Variants in SORBS2 observed in about 807,000 individuals in gnomAD.
SORBS2 encodes sorbin and SH3 domain-containing protein 2.
Under a neutral mutation model 97.7 loss-of-function variants are expected in SORBS2, and 46 were observed. The ratio of observed to expected loss-of-function variants is 0.47; its 90% confidence interval spans 0.37 to 0.60. The LOEUF is 0.60. Among genes scored for constraint, SORBS2 ranks in the 20% least tolerant of loss-of-function variants. SORBS2 has a pLI of 0.00. For missense variants in SORBS2, 1,316 were observed against 1,282.3 expected (o/e 1.03, Z -0.40); for synonymous variants, 476 against 473.4 (o/e 1.01, Z -0.07).
chr4:185,799,499 G>A (rs373681758), intron 1 of SORBS2, among the ~76,000 whole-genome samples: 4 of 152,180 alleles, frequency 2.6e-5, no homozygotes, highest in South Asian at 2.1e-4. Context: ...TTAGAGTCCC[G>A]CTGAGGTCGC....
chr4:185,777,287 T>G (rs1459725306), intron 1 of SORBS2, among the ~76,000 whole-genome samples: 3 of 152,230 alleles, frequency 2.0e-5, no homozygotes, highest in Non-Finnish European at 4.4e-5. Context: ...TTTAAATGGT[T>G]ACATTTTACT....
intron 1 of SORBS2, among the ~76,000 whole-genome samples, chr4:185,798,938 T>C (rs2153655778): frequency 6.7e-6 from 1 of 149,270 alleles, no homozygotes; most frequent in Non-Finnish European, 1.5e-5. Context: ...CCCAGAAGCC[T>C]GTCTTCTTTT....
intron 2 of SORBS2, among the ~76,000 whole-genome samples, chr4:185,718,564 T>C (rs1244082837): frequency 6.6e-6 from 1 of 152,194 alleles, no homozygotes; most frequent in Non-Finnish European, 1.5e-5. Context: ...TCATTCTCCA[T>C]GATAGGTGCA....
rs1004603612 is a variant in SORBS2, at chr4:185,654,131, G to A, written c.25-1403C>T. ...TTAACATGAAGGGCCACTTGACTTC[G>A]TTATGAGTCAGCTCTTCATTCTCGG... On this transcript the variant is annotated intron_variant, in intron 1 of 14. Coordinates refer to ENST00000418609, the Ensembl canonical transcript of SORBS2. 2.6e-5 allele frequency among the ~76,000 whole-genome samples: 4 copies of A among 152,104 alleles called. No homozygotes were observed. In the South Asian group the frequency reaches 6.2e-4, roughly 24 times the overall value.
intron 1 of SORBS2, among the ~76,000 whole-genome samples, chr4:185,827,031 C>A (rs1296370287): frequency 6.6e-6 from 1 of 151,232 alleles, no homozygotes; most frequent in Non-Finnish European, 1.5e-5. Context: ...TCATCACCAT[C>A]ACCACCATCA....
At chr4:185,600,378 G>A (rs566472675) in intron 12 of SORBS2, among the ~76,000 whole-genome samples, 57 of 152,142 alleles carry the variant, frequency 3.7e-4, no homozygotes, top group African/African-American at 1.3e-3. Context: ...TGGCTCTGTC[G>A]CCCAGGCTGG....
chr4:185,708,848 A>G (rs984082318), intron 2 of SORBS2, among the ~76,000 whole-genome samples: 4 of 152,328 alleles, frequency 2.6e-5, no homozygotes, highest in African/African-American at 9.6e-5. Context: ...TTTTCTAGAG[A>G]GTTTCATGTT....
At chr4:185,833,100 T>A (rs921805137) in intron 1 of SORBS2, among the ~76,000 whole-genome samples, 1 of 152,210 alleles carries the variant, frequency 6.6e-6, no homozygotes, top group African/African-American at 2.4e-5. Flanking sequence ...TCATATGTGG[T>A]CTTAAAATGG....
At chr4:185,681,471 T>G (rs2097865588) in intron 2 of SORBS2, among the ~76,000 whole-genome samples, 3 of 151,868 alleles carry the variant, frequency 2.0e-5, no homozygotes, top group Admixed American at 2.0e-4. Context: ...TCCCCAGATC[T>G]GCAGCATTAT....
intron 2 of SORBS2, among the ~76,000 whole-genome samples, chr4:185,756,198 C>T (rs756109214): frequency 4.6e-5 from 7 of 152,196 alleles, no homozygotes; most frequent in Non-Finnish European, 8.8e-5. Flanking sequence ...CTTCTCTATG[C>T]AGTTCATAAC....
intron 1 of SORBS2, among the ~76,000 whole-genome samples, chr4:185,803,962 A>C (rs145510890): frequency 1.3e-5 from 2 of 152,346 alleles, no homozygotes; most frequent in East Asian, 3.9e-4. Context: ...CATAACTCAT[A>C]TGTAGTTAAG....
intron 1 of SORBS2, chr4:185,811,050 A>C (rs1029199200): frequency 6.6e-6 from 1 of 152,142 alleles, no homozygotes; most frequent in African/African-American, 2.4e-5. Context: ...GCATGCAGAT[A>C]CTCGGAAAGG....
chr4:185,602,084 C>T (rs1201933583), intron 12 of SORBS2, among the ~76,000 whole-genome samples: 6 of 152,224 alleles, frequency 3.9e-5, no homozygotes, highest in Admixed American at 3.3e-4. Flanking sequence ...GGTCTCGGCT[C>T]ACTGCAACCT....
intron 1 of SORBS2, chr4:185,918,307 G>C (rs186862709): frequency 5.9e-5 from 9 of 151,894 alleles, no homozygotes; most frequent in South Asian, 4.1e-4. Context: ...TTTTTTGTTC[G>C]TACGTTTTCA....
intron 2 of SORBS2, chr4:185,771,997 G>A (rs2098974177): frequency 6.6e-6 from 1 of 152,094 alleles, no homozygotes; most frequent in African/African-American, 2.4e-5. Context: ...AATGCTTGGT[G>A]TCTCTAATGA....
At chr4:185,843,523 A>G (rs2153678232) in intron 1 of SORBS2, among the ~76,000 whole-genome samples, 1 of 152,358 alleles carries the variant, frequency 6.6e-6, no homozygotes, top group Non-Finnish European at 1.5e-5. Context: ...GTAAATATAG[A>G]AAAATCAATA....
chr4:185,634,442 A>G (rs1454012812), intron 4 of SORBS2, among the ~76,000 whole-genome samples: 1 of 152,104 alleles, frequency 6.6e-6, no homozygotes, highest in Non-Finnish European at 1.5e-5. Context: ...CTTCGTTCCC[A>G]TGCTAGTTGC....
In SORBS2 at chr4:185,640,657, TATTA is replaced by T. The variant is rs574644544; in HGVS notation, c.396+6007_396+6010del. Among the ~76,000 whole-genome samples, 221 of 152,320 alleles carry T rather than the reference TATTA, an allele frequency of 1.5e-3. 1 individual carries two copies. Among genetic ancestry groups the T allele is most frequent in the Middle Eastern group, 0.01 (3 of 294 alleles). ...ATATTTGATTCAATAGTTGCAATAG[TATTA>T]ATTGAGATTTTAATGTCCATAAAAT... is the stretch of plus-strand genomic sequence containing the variant. On this transcript the variant is annotated intron_variant, in intron 4 of 14. Transcript: ENST00000418609.
rs1382707046 is a variant in SORBS2, at chr4:185,879,174, C to T, written c.-338+77022G>A. On this transcript the variant is annotated intron_variant, in intron 1 of 20. Transcript: ENST00000284776. Reference sequence around the variant, plus strand: ...CTCCTAATGCTATCCCTCCCCCCCCCCCACCCCACGACAGGCCCCGGTGTG... The same window carrying T: ...CTCCTAATGCTATCCCTCCCCCCCCTCCACCCCACGACAGGCCCCGGTGTG... Among the ~76,000 whole-genome samples, 8 of 111,594 alleles carry T rather than the reference C, an allele frequency of 7.2e-5. 1 individual carries two copies. The highest frequency in any genetic ancestry group is 1.7e-4 in the African/African-American group (4 of 23,622). 73.2% of individuals were successfully genotyped at this position (111,594 alleles called of 152,430 possible).
Sources: gnomAD v4.1 joint callset for allele counts (sites outside exome capture counted in the v4.1 genomes callset) on GRCh38, gnomAD v4.1.1 for gene constraint, MANE v1.5 for transcripts, NCBI Gene and HGNC (gene_info 2026-07-23, HGNC 2026-07-21) for gene names.